Variants in CACNA2D3 observed in about 807,000 individuals in gnomAD.
CACNA2D3 encodes voltage-dependent calcium channel subunit alpha-2/delta-3.
In CACNA2D3, 60 loss-of-function variants were observed where a neutral mutation model predicts 160.6. The observed-to-expected ratio is 0.37, with a 90% CI of 0.30 to 0.46. The LOEUF is 0.46. Ranked by LOEUF, CACNA2D3 falls within the 20% of genes least tolerant of loss-of-function variation. The pLI, the probability that CACNA2D3 is intolerant of heterozygous loss-of-function variation, is 1.00. For missense variants in CACNA2D3, 1,205 were observed against 1,365.0 expected, an observed-to-expected ratio of 0.88 and a Z score of 1.85; for synonymous variants, 558 against 492.9, an observed-to-expected ratio of 1.13 and a Z score of -1.75.
At chr3:55,066,226 G>A (rs571884215) in intron 35 of CACNA2D3, among the ~76,000 whole-genome samples, 25 of 152,168 alleles carry the variant, frequency 1.6e-4, no homozygotes, top group Non-Finnish European at 3.1e-4. Flanking sequence ...ACAGGACACT[G>A]TGAACAGGGC....
At chr3:54,132,122 G>A (rs1463192) in intron 2 of CACNA2D3, among the ~76,000 whole-genome samples, 3,982 of 152,284 alleles carry the variant, frequency 0.026, 151 homozygotes, top group African/African-American at 0.089. Context: ...ATATGACTGC[G>A]TCATGTACAA....
Position 54,271,967 on chromosome 3 carries a change from G to A in CACNA2D3, c.205-48475G>A, listed in dbSNP as rs539820883. Among the ~76,000 whole-genome samples the A allele has an allele frequency of 5.3e-5, 8 of 152,310 alleles. No individual in the cohort carries two copies. The South Asian group carries it at 1.7e-3, about 32-fold the overall frequency. On this transcript the variant is annotated intron_variant, in intron 2 of 37. Coordinates refer to ENST00000474759, the MANE Select transcript of CACNA2D3 (RefSeq NM_018398.3). Reference sequence around the variant, plus strand: ...GGCTTGGGCAATTCTTCAGGGAGTCGTTTATCTAGATAGTGATCAGGGAGC... The same window carrying A: ...GGCTTGGGCAATTCTTCAGGGAGTCATTTATCTAGATAGTGATCAGGGAGC...
intron 26 of CACNA2D3, 21 bp downstream of exon 26, chr3:54,896,891 C>A (rs374037871): frequency 2.2e-5 from 36 of 1,613,676 alleles, no homozygotes; most frequent in Non-Finnish European, 3.0e-5. Flanking sequence ...TTGTTGGAGG[C>A]GGGCTCTGTC....
At chr3:54,619,576 C>T (rs922659039) in intron 9 of CACNA2D3, among the ~76,000 whole-genome samples, 4 of 152,308 alleles carry the variant, frequency 2.6e-5, no homozygotes, top group Middle Eastern at 3.4e-3. Context: ...AAAGGACAAA[C>T]GGGGAATAGC....
At chr3:54,510,318 T>C (rs1467864807) in intron 5 of CACNA2D3, among the ~76,000 whole-genome samples, 1 of 152,138 alleles carries the variant, frequency 6.6e-6, no homozygotes, top group Non-Finnish European at 1.5e-5. Flanking sequence ...CCATGCTCTG[T>C]AGTGAGGACT....
intron 4 of CACNA2D3, among the ~76,000 whole-genome samples, chr3:54,436,494 C>A (rs1700061787): frequency 6.6e-6 from 1 of 152,164 alleles, no homozygotes; most frequent in Non-Finnish European, 1.5e-5. Flanking sequence ...TTTATTGCAG[C>A]ACTATTTACA....
At chr3:54,852,699 G>A (rs2106785878) in intron 17 of CACNA2D3, among the ~76,000 whole-genome samples, 1 of 152,250 alleles carries the variant, frequency 6.6e-6, no homozygotes, top group African/African-American at 2.4e-5. Flanking sequence ...TAAATCCATG[G>A]ATTGATACAT....
At chr3:54,377,103 C>T (rs569356328) in intron 3 of CACNA2D3, among the ~76,000 whole-genome samples, 26 of 152,316 alleles carry the variant, frequency 1.7e-4, no homozygotes, top group African/African-American at 6.3e-4. Flanking sequence ...TCCAGTGTCT[C>T]ACAGGTGCCA....
chr3:54,405,352 T>C (rs968666431), intron 4 of CACNA2D3, among the ~76,000 whole-genome samples: 1 of 149,732 alleles, frequency 6.7e-6, no homozygotes, highest in Non-Finnish European at 1.5e-5. Flanking sequence ...CAAAACAACA[T>C]GTTACTGGCA....
chr3:54,507,394 A>T (rs530071616), intron 5 of CACNA2D3, among the ~76,000 whole-genome samples: 55 of 152,262 alleles, frequency 3.6e-4, no homozygotes, highest in African/African-American at 1.3e-3. Context: ...TGTTCTGTGA[A>T]TGCAGAGCAT....
In CACNA2D3 at chr3:54,794,964, A is replaced by T. The variant is rs1050586776; in HGVS notation, c.1381-21889A>T. On this transcript the variant is annotated intron_variant, in intron 13 of 37. Coordinates refer to ENST00000474759, the MANE Select transcript of CACNA2D3 (RefSeq NM_018398.3). ...TTTATCAAACTAAAGATATTTAGTC[A>T]TTATTTCTTCAGATATTTTATTTGT... 5.3e-5 allele frequency among the ~76,000 whole-genome samples: 8 copies of T among 152,198 alleles called. No individual in the cohort carries two copies. In the South Asian group the frequency reaches 8.3e-4, roughly 16 times the overall value.
chr3:54,385,530 C>G (rs996412184), intron 3 of CACNA2D3, among the ~76,000 whole-genome samples: 1 of 152,168 alleles, frequency 6.6e-6, no homozygotes, highest in Non-Finnish European at 1.5e-5. Flanking sequence ...CACATTTCCA[C>G]CCTTCCCAAA....
intron 10 of CACNA2D3, among the ~76,000 whole-genome samples, chr3:54,630,517 C>T (rs936586156): frequency 2.0e-5 from 3 of 152,134 alleles, no homozygotes; most frequent in African/African-American, 4.8e-5. Flanking sequence ...AAGGTACTTG[C>T]GCATATCAAA....
chr3:54,312,611 G>A (rs1212750601), intron 2 of CACNA2D3, among the ~76,000 whole-genome samples: 2 of 152,186 alleles, frequency 1.3e-5, no homozygotes, highest in Non-Finnish European at 1.5e-5. Context: ...TCTTCGTGGT[G>A]TTTGTGTGAA....
At chr3:54,831,263 A>T (rs758776525) in intron 14 of CACNA2D3, among the ~76,000 whole-genome samples, 2 of 152,182 alleles carry the variant, frequency 1.3e-5, no homozygotes, top group Non-Finnish European at 2.9e-5. Flanking sequence ...GCAGTCCTCA[A>T]ATGGGCTGCC....
At chr3:54,889,319 T>C (rs528887565) in intron 24 of CACNA2D3, among the ~76,000 whole-genome samples, 4 of 152,286 alleles carry the variant, frequency 2.6e-5, no homozygotes, top group African/African-American at 9.6e-5. Flanking sequence ...TCTATTGCTG[T>C]GTGGAGAACA....
At chr3:54,303,994 G>C (rs1438182278) in intron 2 of CACNA2D3, among the ~76,000 whole-genome samples, 1 of 151,936 alleles carries the variant, frequency 6.6e-6, no homozygotes, top group Non-Finnish European at 1.5e-5. Context: ...TGTGTTATAT[G>C]CATTCAGTAT....
chr3:54,450,484 T>A (rs1167979016), intron 4 of CACNA2D3, among the ~76,000 whole-genome samples: 1 of 152,094 alleles, frequency 6.6e-6, no homozygotes, highest in Non-Finnish European at 1.5e-5. Context: ...TTGTTGGAGG[T>A]GAGGCCTAAT....
chr3:54,544,633 A>G (rs759553907), intron 5 of CACNA2D3, among the ~76,000 whole-genome samples: 9 of 152,166 alleles, frequency 5.9e-5, no homozygotes, highest in Admixed American at 2.0e-4. Flanking sequence ...CCTGGCCTCA[A>G]GCGATCCTCT....
Sources: allele counts gnomAD v4.1 joint callset (sites outside exome capture counted in the v4.1 genomes callset), GRCh38; gene constraint gnomAD v4.1.1; transcripts MANE v1.5; gene names NCBI Gene and HGNC (gene_info 2026-07-23, HGNC 2026-07-21).